NRXN3: variants seen among roughly 807,000 people sequenced by gnomAD.
NRXN3 encodes neurexin III.
In NRXN3, 32 loss-of-function variants were observed where a neutral mutation model predicts 137.6. That is an observed-to-expected ratio of 0.23 (90% CI 0.18 to 0.31). The LOEUF (loss-of-function observed/expected upper bound fraction) is 0.31, where lower values mean the gene tolerates loss of function less well. Among genes scored for constraint, NRXN3 ranks in the 10% least tolerant of loss-of-function variants. The pLI is 1.00. For missense variants in NRXN3, 1,574 were observed against 2,062.5 expected (o/e 0.76, Z 4.59); for synonymous variants, 798 against 784.5 (o/e 1.02, Z -0.29).
intron 15 of NRXN3, among the ~76,000 whole-genome samples, chr14:79,182,053 A>AGTT (rs1400046384): frequency 6.6e-6 from 1 of 152,114 alleles, no homozygotes; most frequent in East Asian, 1.9e-4. Flanking sequence ...TCTTACTCCT[A>AGTT]GTTATAATCA....
At chr14:79,360,176 C>G (rs1033134763) in intron 15 of NRXN3, among the ~76,000 whole-genome samples, 1 of 152,210 alleles carries the variant, frequency 6.6e-6, no homozygotes, top group African/African-American at 2.4e-5. Context: ...TAGCTTCCTC[C>G]CAACTCCCAT....
chr14:79,370,998 C>T (rs1034249506), intron 15 of NRXN3, among the ~76,000 whole-genome samples: 8 of 152,108 alleles, frequency 5.3e-5, no homozygotes, highest in South Asian at 2.1e-4. Context: ...AGTCATACAG[C>T]GAAGCAGAAA....
Position 78,687,977 on chromosome 14 carries a change from A to T in NRXN3, c.1222-21240A>T, listed in dbSNP as rs78264086. Among the ~76,000 whole-genome samples, 1,437 of 152,312 alleles carry T rather than the reference A, an allele frequency of 9.4e-3. 17 individuals carry two copies. Among genetic ancestry groups the T allele is most frequent in the African/African-American group, 0.032 (1,333 of 41,572 alleles). The stretch of plus-strand genomic sequence containing the variant: ...TGTTAATGGCATTATCCAAGTGCAG[A>T]TATTTGAAAGGAATGAGCTGGGGGG... On this transcript the variant is annotated intron_variant, in intron 6 of 20. Transcript: ENST00000335750.
chr14:78,664,055 A>G (rs539405042), intron 6 of NRXN3, among the ~76,000 whole-genome samples: 1 of 152,320 alleles, frequency 6.6e-6, no homozygotes, highest in South Asian at 2.1e-4. Flanking sequence ...CAAGAGAGAT[A>G]CAAGGACACA....
chr14:78,846,688 G>A (rs1416217966), intron 10 of NRXN3, among the ~76,000 whole-genome samples: 1 of 152,060 alleles, frequency 6.6e-6, no homozygotes, highest in Non-Finnish European at 1.5e-5. Context: ...ATCCTAGACA[G>A]TGTCCCTTGA....
intron 6 of NRXN3, among the ~76,000 whole-genome samples, chr14:78,664,692 C>T (rs1472082599): frequency 2.0e-5 from 3 of 152,202 alleles, no homozygotes; most frequent in East Asian, 3.8e-4. Context: ...CAGTTCAAAA[C>T]TTCAATGCAT....
chr14:78,908,034 A>C (rs2099223997), intron 10 of NRXN3, among the ~76,000 whole-genome samples: 1 of 151,934 alleles, frequency 6.6e-6, no homozygotes, highest in African/African-American at 2.4e-5. Context: ...TTCCTTATCC[A>C]TTCTATCATT....
At chr14:78,496,705 G>A (rs1028168643) in intron 4 of NRXN3, among the ~76,000 whole-genome samples, 3 of 151,992 alleles carry the variant, frequency 2.0e-5, no homozygotes, top group Admixed American at 6.6e-5. Context: ...AGCTGAGCAG[G>A]GTAAGAGGAT....
intron 4 of NRXN3, among the ~76,000 whole-genome samples, chr14:78,481,240 T>C (rs898249614): frequency 3.3e-5 from 5 of 152,196 alleles, no homozygotes; most frequent in African/African-American, 1.2e-4. Context: ...TGAATGATAG[T>C]CTCTGTAGGG....
chr14:78,452,977 A>G (rs906609616), intron 4 of NRXN3, among the ~76,000 whole-genome samples: 1 of 152,166 alleles, frequency 6.6e-6, no homozygotes, highest in Non-Finnish European at 1.5e-5. Flanking sequence ...CGAAAGTTAC[A>G]TTTTCTTTAG....
chr14:79,522,490 A>G (rs1567374688), intron 16 of NRXN3, among the ~76,000 whole-genome samples: 1 of 152,180 alleles, frequency 6.6e-6, no homozygotes, highest in Non-Finnish European at 1.5e-5. Context: ...CTAGGGCCAT[A>G]TTTCTAACTA....
chr14:79,534,772 C>T (rs552165489), intron 16 of NRXN3, among the ~76,000 whole-genome samples: 1 of 152,016 alleles, frequency 6.6e-6, no homozygotes, highest in Non-Finnish European at 1.5e-5. Context: ...ATAATAGAAA[C>T]GTGGCAATGA....
chr14:79,752,773 G>A (rs2099002817), intron 19 of NRXN3, among the ~76,000 whole-genome samples: 1 of 151,916 alleles, frequency 6.6e-6, no homozygotes, highest in Admixed American at 6.6e-5. Flanking sequence ...CCATCAGAGT[G>A]AACAGGCAAC....
At chr14:78,181,512 A>G (rs933682024) in intron 1 of NRXN3, among the ~76,000 whole-genome samples, 2 of 152,200 alleles carry the variant, frequency 1.3e-5, no homozygotes, top group Non-Finnish European at 2.9e-5. Flanking sequence ...TGACAAAGAA[A>G]GCTGGTTTGC....
rs2153598727 is a variant in NRXN3, at chr14:78,354,615, T to C, written c.757+56755T>C. On this transcript the variant is annotated intron_variant, in intron 4 of 20. Coordinates refer to ENST00000335750, the MANE Select transcript of NRXN3 (RefSeq NM_001330195.2). ...TTGTCCCTCAGCTGTTAGAATACTTTTGGATACATGAAGAGTTCTAGGACT... is the reference window on the plus strand; with the variant it reads ...TTGTCCCTCAGCTGTTAGAATACTTCTGGATACATGAAGAGTTCTAGGACT... Among the ~76,000 whole-genome samples, 3 of 152,322 alleles carry C rather than the reference T, an allele frequency of 2.0e-5. 1 individual carries two copies. Among genetic ancestry groups the C allele is most frequent in the Middle Eastern group, 6.8e-3 (2 of 294 alleles).
chr14:78,640,579 G>T (rs920077797), intron 4 of NRXN3, among the ~76,000 whole-genome samples: 2 of 152,144 alleles, frequency 1.3e-5, no homozygotes, highest in African/African-American at 4.8e-5. Flanking sequence ...TATAAGTTGG[G>T]TGTCTTTTAG....
intron 16 of NRXN3, among the ~76,000 whole-genome samples, chr14:79,528,992 G>A (rs2097146086): frequency 6.6e-6 from 1 of 152,162 alleles, no homozygotes; most frequent in Admixed American, 6.5e-5. Context: ...GGACATGTAT[G>A]TTAAGTGACT....
intron 15 of NRXN3, among the ~76,000 whole-genome samples, chr14:79,218,889 G>A (rs767872048): frequency 1.1e-4 from 17 of 151,962 alleles, no homozygotes; most frequent in Non-Finnish European, 2.2e-4. Context: ...CTTTAAGCAA[G>A]GTGCTAAATT....
At chr14:79,264,522 ATGTGTGTGTGTGTG>A (rs34099529) in intron 15 of NRXN3, among the ~76,000 whole-genome samples, 8 of 145,298 alleles carry the variant, frequency 5.5e-5, no homozygotes, top group African/African-American at 1.8e-4. Flanking sequence ...TGTTTACATG[ATGTGTGTGTGTGTG>A]TGTGTGTGTG....
Sources: gnomAD v4.1 joint callset for allele counts (sites outside exome capture counted in the v4.1 genomes callset) on GRCh38, gnomAD v4.1.1 for gene constraint, MANE v1.5 for transcripts, NCBI Gene and HGNC (gene_info 2026-07-23, HGNC 2026-07-21) for gene names.